Variants in SH3BGRL2 observed in about 807,000 individuals in gnomAD.
SH3BGRL2 encodes the protein SH3 domain-binding glutamic acid-rich-like protein 2.
SH3BGRL2 carries 21 observed loss-of-function variants against 14.8 expected under a neutral mutation model. The ratio of observed to expected loss-of-function variants is 1.42; its 90% CI spans 1.01 to 2.05. The LOEUF is 2.05. SH3BGRL2 is among the 30% of genes most tolerant of loss of function. The pLI is 0.00. For synonymous variants in SH3BGRL2, 50 were observed against 47.8 expected (o/e 1.05, Z -0.19); for missense variants, 147 against 130.8 (o/e 1.12, Z -0.61).
chr6:79,553,730 G>T, the SH3BGRL2 span, among the ~76,000 whole-genome samples: 1 of 152,080 alleles, frequency 6.6e-6, no homozygotes, highest in Non-Finnish European at 1.5e-5. Context: ...CTAGCACTTG[G>T]GGAGGCTAAG....
chr6:79,553,968 A>G, the SH3BGRL2 span, among the ~76,000 whole-genome samples: 2 of 89,032 alleles, frequency 2.2e-5, no homozygotes, highest in East Asian at 6.1e-4. Flanking sequence ...ACTCTGTCTC[A>G]AAAAAAAAAA....
chr6:79,647,090 T>C (rs1295039078), intron 1 of SH3BGRL2, among the ~76,000 whole-genome samples: 1 of 152,202 alleles, frequency 6.6e-6, no homozygotes, highest in Non-Finnish European at 1.5e-5. Context: ...GATAATGCTG[T>C]ATTTTGTGTT....
Position 79,696,554 on chromosome 6 carries a change from T to G in SH3BGRL2, c.301T>G (p.Leu101Val). 6.4e-7 allele frequency: 1 copy of G among 1,566,824 alleles called. No individual in the cohort carries two copies. The highest frequency in any genetic ancestry group is 8.6e-7 in the Non-Finnish European group (1 of 1,165,808). ...VFSFLGLKPR[L>V]ASKAEP is the part of the protein sequence containing the mutation. ...TTCATTTTTAGGCCTGAAACCACGGTTGGCATCAAAGGTAGGTAAATCTTT... is the reference window on the plus strand; with the variant it reads ...TTCATTTTTAGGCCTGAAACCACGGGTGGCATCAAAGGTAGGTAAATCTTT... Residue 101 changes from leucine to valine, a missense_variant, in exon 3 of 4, where the codon TTG (leucine) becomes GTG (valine). Coordinates refer to ENST00000369838, the MANE Select transcript of SH3BGRL2 (RefSeq NM_031469.4).
the SH3BGRL2 span, among the ~76,000 whole-genome samples, chr6:79,623,724 T>A: frequency 6.6e-6 from 1 of 152,212 alleles, no homozygotes; most frequent in African/African-American, 2.4e-5. Context: ...ACTTAATTGT[T>A]CTTTTTAAAC....
At chr6:79,605,158 A>G in the SH3BGRL2 span, among the ~76,000 whole-genome samples, 675 of 152,344 alleles carry the variant, frequency 4.4e-3, 12 homozygotes, top group East Asian at 0.042. Context: ...GCTCCCTCTA[A>G]GAATTCTGCC....
At chr6:79,574,280 G>A in the SH3BGRL2 span, 1 of 152,132 alleles carries the variant, frequency 6.6e-6, no homozygotes, top group Admixed American at 6.5e-5. Flanking sequence ...GGGAAACTGT[G>A]GGAAGGGAAT....
the SH3BGRL2 span, among the ~76,000 whole-genome samples, chr6:79,598,643 G>A: frequency 2.6e-5 from 4 of 152,022 alleles, no homozygotes; most frequent in Admixed American, 6.6e-5. Flanking sequence ...GTTGCTCTTG[G>A]GGGTGATGAA....
At chr6:79,656,473 T>C (rs1170321863) in intron 1 of SH3BGRL2, among the ~76,000 whole-genome samples, 2 of 152,180 alleles carry the variant, frequency 1.3e-5, no homozygotes, top group Non-Finnish European at 2.9e-5. Flanking sequence ...TTTGAGTATA[T>C]ACCATGTGGA....
At chr6:79,552,782 T>C in the SH3BGRL2 span, 1 of 152,214 alleles carries the variant, frequency 6.6e-6, no homozygotes, top group South Asian at 2.1e-4. Context: ...TTTAGGAGAA[T>C]CCAAGATTCC....
At chr6:79,694,654 T>A (rs1770293495) in intron 2 of SH3BGRL2, among the ~76,000 whole-genome samples, 1 of 152,224 alleles carries the variant, frequency 6.6e-6, no homozygotes, top group Non-Finnish European at 1.5e-5. Context: ...CATGTTGAAA[T>A]TGAACTCCAA....
At chr6:79,633,740 T>C (rs1383092779) in intron 1 of SH3BGRL2, among the ~76,000 whole-genome samples, 1 of 152,208 alleles carries the variant, frequency 6.6e-6, no homozygotes, top group Non-Finnish European at 1.5e-5. Context: ...GTCTCCCCAA[T>C]TGTAGTTTTA....
chr6:79,538,955 C>T, the SH3BGRL2 span, among the ~76,000 whole-genome samples: 1 of 152,218 alleles, frequency 6.6e-6, no homozygotes, highest in Non-Finnish European at 1.5e-5. Context: ...CCTAGGTCTG[C>T]TTCCAAATTT....
At chr6:79,552,254 G>A in the SH3BGRL2 span, among the ~76,000 whole-genome samples, 5 of 152,142 alleles carry the variant, frequency 3.3e-5, no homozygotes, top group South Asian at 2.1e-4. Context: ...CAGGGTTCCC[G>A]TTCATGTCTG....
At chr6:79,621,316 C>A in the SH3BGRL2 span, among the ~76,000 whole-genome samples, 1 of 152,090 alleles carries the variant, frequency 6.6e-6, no homozygotes, top group Non-Finnish European at 1.5e-5. Flanking sequence ...GAGGTGGGGG[C>A]TTCTAGATTA....
chr6:79,558,147 G>T, the SH3BGRL2 span, among the ~76,000 whole-genome samples: 1 of 152,190 alleles, frequency 6.6e-6, no homozygotes, highest in Non-Finnish European at 1.5e-5. Flanking sequence ...GGAAGGAGAA[G>T]ATACAACCAT....
chr6:79,577,269 A>G, the SH3BGRL2 span, among the ~76,000 whole-genome samples: 1 of 152,202 alleles, frequency 6.6e-6, no homozygotes, highest in Non-Finnish European at 1.5e-5. Flanking sequence ...TTCCTTGTTT[A>G]CTGCAGCCTT....
At chr6:79,593,016 T>G in the SH3BGRL2 span, among the ~76,000 whole-genome samples, 1 of 152,150 alleles carries the variant, frequency 6.6e-6, no homozygotes, top group African/African-American at 2.4e-5. Flanking sequence ...ATAGGTGAAT[T>G]TAAACCCTCT....
At chr6:79,609,927 A>G in the SH3BGRL2 span, among the ~76,000 whole-genome samples, 1 of 152,250 alleles carries the variant, frequency 6.6e-6, no homozygotes, top group Non-Finnish European at 1.5e-5. Context: ...AAATAGATTT[A>G]TTATGGCATT....
At chr6:79,590,696 A>G in the SH3BGRL2 span, among the ~76,000 whole-genome samples, 1 of 151,778 alleles carries the variant, frequency 6.6e-6, no homozygotes, top group Non-Finnish European at 1.5e-5. Flanking sequence ...GGGATGTGGA[A>G]TGTGGGGGAA....
Sources: gnomAD v4.1 joint callset for allele counts (sites outside exome capture counted in the v4.1 genomes callset) on GRCh38, gnomAD v4.1.1 for gene constraint, MANE v1.5 for transcripts, NCBI Gene and HGNC (gene_info 2026-07-23, HGNC 2026-07-21) for gene names.